Variants in FUT8 observed in about 807,000 individuals in gnomAD.
The protein encoded by FUT8 is fucosyltransferase 8.
FUT8 carries 29 observed loss-of-function variants against 71.3 expected under a neutral mutation model. The observed-to-expected ratio is 0.41, with a 90% CI of 0.30 to 0.55. The LOEUF (loss-of-function observed/expected upper bound fraction) is 0.55, where lower values mean the gene tolerates loss of function less well. Ranked by LOEUF, FUT8 falls within the 20% of genes least tolerant of loss-of-function variation. FUT8 has a pLI of 0.34. For missense variants in FUT8, 544 were observed against 702.1 expected (o/e 0.77, Z 2.55); for synonymous variants, 254 against 239.3 (o/e 1.06, Z -0.57).
chr14:65,448,270 A>T (rs956007900), intron 1 of FUT8, among the ~76,000 whole-genome samples: 2 of 152,126 alleles, frequency 1.3e-5, no homozygotes, highest in African/African-American at 2.4e-5. Context: ...GGGGTGATGA[A>T]AGCTTTGGTC....
At chr14:65,511,666 A>T (rs1228047369) in intron 2 of FUT8, among the ~76,000 whole-genome samples, 3 of 152,124 alleles carry the variant, frequency 2.0e-5, no homozygotes, top group African/African-American at 2.4e-5. Flanking sequence ...GTCTCTTCTT[A>T]CAGTTTTTGT....
At chr14:65,621,601 G>T (rs958701993) in intron 5 of FUT8, among the ~76,000 whole-genome samples, 4 of 148,046 alleles carry the variant, frequency 2.7e-5, no homozygotes, top group African/African-American at 1.0e-4. Context: ...CGCTCTTGTT[G>T]CCCAGGCTGG....
intron 6 of FUT8, among the ~76,000 whole-genome samples, chr14:65,663,886 C>A (rs1360109990): frequency 6.6e-6 from 1 of 152,028 alleles, no homozygotes; most frequent in African/African-American, 2.4e-5. Context: ...AGATGTGAGT[C>A]TTCTTTTAAA....
chr14:65,711,432 T>C (rs1367739017), intron 7 of FUT8, among the ~76,000 whole-genome samples: 1 of 152,196 alleles, frequency 6.6e-6, no homozygotes, highest in Non-Finnish European at 1.5e-5. Context: ...TTGCTTTTAC[T>C]TACAGGAAGC....
intron 3 of FUT8, among the ~76,000 whole-genome samples, chr14:65,568,421 T>C (rs1201775017): frequency 6.6e-6 from 1 of 151,686 alleles, no homozygotes; most frequent in African/African-American, 2.4e-5. Context: ...CTGGAAAGCC[T>C]TAAATTTCTC....
chr14:65,595,985 T>G (rs1402239933), intron 3 of FUT8, among the ~76,000 whole-genome samples: 1 of 152,154 alleles, frequency 6.6e-6, no homozygotes, highest in Non-Finnish European at 1.5e-5. Flanking sequence ...ACTACCTTTG[T>G]TTTTGAAAGT....
chr14:65,547,840 C>A (rs1259977930), intron 2 of FUT8, among the ~76,000 whole-genome samples: 1 of 151,982 alleles, frequency 6.6e-6, no homozygotes, highest in East Asian at 1.9e-4. Flanking sequence ...ATGGTACATT[C>A]ATCTAAACTA....
chr14:65,595,799 C>T (rs1454547335), intron 3 of FUT8, among the ~76,000 whole-genome samples: 2 of 151,762 alleles, frequency 1.3e-5, no homozygotes, highest in African/African-American at 2.4e-5. Flanking sequence ...TTAGTAGAGA[C>T]GGGGTTTCAC....
In FUT8 at chr14:65,544,767, G is replaced by A. The variant is rs796830322; in HGVS notation, c.-227-16570G>A. Reference sequence around the variant, plus strand: ...CAGTGAATTAGTATTTTGTATTCATGTATTTATGATGCTGGCATTTTAAAT... The same window carrying A: ...CAGTGAATTAGTATTTTGTATTCATATATTTATGATGCTGGCATTTTAAAT... On this transcript the variant is annotated intron_variant, in intron 2 of 10. Transcript: ENST00000673929. Among the ~76,000 whole-genome samples, 19 of 152,190 alleles carry A rather than the reference G, an allele frequency of 1.2e-4. 3 individuals are homozygous for A. Among genetic ancestry groups the A allele is most frequent in the African/African-American group, 4.3e-4 (18 of 41,538 alleles).
intron 6 of FUT8, among the ~76,000 whole-genome samples, chr14:65,647,028 A>G (rs1471718599): frequency 6.6e-6 from 1 of 152,106 alleles, no homozygotes; most frequent in African/African-American, 2.4e-5. Context: ...AAGTAATTTA[A>G]CAGGAGTGAT....
intron 2 of FUT8, among the ~76,000 whole-genome samples, chr14:65,556,816 G>T (rs1021207617): frequency 1.3e-5 from 2 of 152,188 alleles, no homozygotes; most frequent in Non-Finnish European, 2.9e-5. Flanking sequence ...TGCATGGTAT[G>T]CTGAGGTGCC....
the FUT8 span, among the ~76,000 whole-genome samples, chr14:65,403,217 AT>A: frequency 6.6e-6 from 1 of 152,200 alleles, no homozygotes; most frequent in African/African-American, 2.4e-5. Flanking sequence ...GTAATAACTT[AT>A]TTAATACTAA....
intron 6 of FUT8, among the ~76,000 whole-genome samples, chr14:65,650,723 A>AAAAAAAC (rs1481416178): frequency 6.7e-6 from 1 of 149,970 alleles, no homozygotes. Flanking sequence ...AAAAAAAAAA[A>AAAAAAAC]AAAAAACAAA....
At position 65,467,857 on chromosome 14, in the gene FUT8, C is replaced by T; in HGVS notation, c.-228+12139C>T. 1.3e-6 allele frequency: 1 copy of T among 785,550 alleles called. No homozygotes were observed. Among genetic ancestry groups the T allele is most frequent in the Non-Finnish European group, 2.3e-6 (1 of 431,638 alleles). The allele number at this position is 785,550 out of a possible 1,614,324, so 48.7% of individuals were successfully genotyped here. A position where few individuals can be genotyped will look rare whatever the true frequency, so the allele number is the denominator to read the frequency against. ...GGTTCCAGCAGCTCAGGCTCCTTCC[C>T]ACTGGTTCTCACAAAGTGTGCTTCT... On this transcript the variant is annotated intron_variant, in intron 2 of 10. Transcript: ENST00000673929. The surrounding 1 kb of genome is among the most constrained non-coding windows in gnomAD (Gnocchi z 4.1).
intron 7 of FUT8, among the ~76,000 whole-genome samples, chr14:65,689,785 C>G (rs1439250422): frequency 6.6e-6 from 1 of 152,212 alleles, no homozygotes; most frequent in Non-Finnish European, 1.5e-5. Context: ...GATCCGCCCA[C>G]CTCGGCCTCC....
intron 1 of FUT8, among the ~76,000 whole-genome samples, chr14:65,436,628 C>CA (rs34862450): frequency 4.8e-4 from 62 of 129,186 alleles, no homozygotes; most frequent in South Asian, 2.9e-3. Context: ...GACTCCCTCT[C>CA]AAAAAAAAAA....
rs1408707691 is a variant in FUT8, at chr14:65,712,244, A to T, written c.836-9531A>T. 2.6e-5 allele frequency among the ~76,000 whole-genome samples: 4 copies of T among 152,186 alleles called. No homozygotes were observed. In the East Asian group the frequency reaches 7.7e-4, roughly 29 times the overall value. The stretch of plus-strand genomic sequence containing the variant: ...AAATAAACTCGGTGCTGGCTATCAC[A>T]TTTTGGATTATACTTATCATTGGAT... On this transcript the variant is annotated intron_variant, in intron 7 of 10. Transcript: ENST00000673929.
At chr14:65,469,446 G>A (rs1200549618) in intron 2 of FUT8, among the ~76,000 whole-genome samples, 1 of 152,228 alleles carries the variant, frequency 6.6e-6, no homozygotes, top group Non-Finnish European at 1.5e-5. Context: ...GGTATCGGAG[G>A]CAAATGTTAC....
chr14:65,645,166 T>G (rs1021178483), intron 6 of FUT8, among the ~76,000 whole-genome samples: 10 of 152,332 alleles, frequency 6.6e-5, no homozygotes, highest in Admixed American at 3.3e-4. Context: ...ATTTGGGTGT[T>G]ACAAATAAAT....
Sources: gnomAD v4.1 joint callset for allele counts (sites outside exome capture counted in the v4.1 genomes callset) on GRCh38, gnomAD v4.1.1 for gene constraint, Gnocchi (gnomAD v3.1) non-coding constraint, MANE v1.5 for transcripts, NCBI Gene and HGNC (gene_info 2026-07-23, HGNC 2026-07-21) for gene names.